The following HECW2 variants were observed in gnomAD, a reference collection of about 807,000 sequenced individuals.
HECW2 encodes the protein E3 ubiquitin-protein ligase HECW2.
A neutral mutation model predicts 175.2 loss-of-function variants in HECW2; 61 were observed. The ratio of observed to expected loss-of-function variants is 0.35; its 90% CI spans 0.28 to 0.43. The LOEUF (loss-of-function observed/expected upper bound fraction) is 0.43, where lower values mean the gene tolerates loss of function less well. HECW2 is among the 20% of genes least tolerant of loss of function. HECW2 has a pLI of 1.00. For synonymous variants in HECW2, 671 were observed against 731.0 expected (o/e 0.92, Z 1.32); for missense variants, 1,524 against 2,000.5 (o/e 0.76, Z 4.54).
chr2:196,479,834 T>C (rs1575593612), intron 1 of HECW2, among the ~76,000 whole-genome samples: 1 of 152,298 alleles, frequency 6.6e-6, no homozygotes, highest in Non-Finnish European at 1.5e-5. Flanking sequence ...ACCATCCTCT[T>C]GCCTGAAGAA....
chr2:196,426,499 G>A (rs1435921429), intron 2 of HECW2, among the ~76,000 whole-genome samples: 2 of 151,852 alleles, frequency 1.3e-5, no homozygotes, highest in Non-Finnish European at 2.9e-5. Flanking sequence ...GATAATTAGT[G>A]ATGTTGATTT....
chr2:196,223,960 C>A (rs755585948), intron 23 of HECW2, among the ~76,000 whole-genome samples: 1 of 152,116 alleles, frequency 6.6e-6, no homozygotes, highest in African/African-American at 2.4e-5. Context: ...GGGTGACAAA[C>A]GAACTCATGT....
intron 19 of HECW2, among the ~76,000 whole-genome samples, chr2:196,252,027 A>G (rs1431709339): frequency 6.6e-6 from 1 of 151,718 alleles, no homozygotes; most frequent in Non-Finnish European, 1.5e-5. Flanking sequence ...GATGAAACCC[A>G]GTCTCTACTA....
intron 1 of HECW2, among the ~76,000 whole-genome samples, chr2:196,497,191 C>T (rs1687423063): frequency 6.6e-6 from 1 of 152,118 alleles, no homozygotes; most frequent in African/African-American, 2.4e-5. Context: ...ATGTTTAGAC[C>T]AAGTCATCCA....
At chr2:196,472,664 C>T (rs1202800978) in intron 1 of HECW2, among the ~76,000 whole-genome samples, 1 of 151,658 alleles carries the variant, frequency 6.6e-6, no homozygotes, top group Non-Finnish European at 1.5e-5. Context: ...TCTGGTTGCC[C>T]AGGCTGGAGT....
intron 16 of HECW2, among the ~76,000 whole-genome samples, chr2:196,272,471 G>A (rs751229933): frequency 4.3e-4 from 65 of 152,130 alleles, no homozygotes; most frequent in Non-Finnish European, 7.5e-4. Context: ...TAAATTCACA[G>A]AACTAGGACA....
chr2:196,420,580 A>C (rs1053586255), intron 2 of HECW2, among the ~76,000 whole-genome samples: 1 of 152,234 alleles, frequency 6.6e-6, no homozygotes, highest in Non-Finnish European at 1.5e-5. Flanking sequence ...CAAGAAAAAA[A>C]TATATTCTTT....
chr2:196,455,111 G>A (rs1696466219), intron 1 of HECW2, among the ~76,000 whole-genome samples: 1 of 150,562 alleles, frequency 6.6e-6, no homozygotes, highest in South Asian at 2.1e-4. Context: ...TCGGCTCACT[G>A]CGACCTCCAC....
chr2:196,281,755 A>T (rs1690198482), intron 14 of HECW2, among the ~76,000 whole-genome samples: 1 of 151,676 alleles, frequency 6.6e-6, no homozygotes, highest in Admixed American at 6.6e-5. Context: ...AGAAGATTTT[A>T]AAAATCCCAT....
chr2:196,308,857 G>A (rs1181341889), intron 10 of HECW2, among the ~76,000 whole-genome samples: 1 of 152,198 alleles, frequency 6.6e-6, no homozygotes, highest in Non-Finnish European at 1.5e-5. Context: ...CAGAGCATGA[G>A]CTGATCTTTT....
At chr2:196,299,313 C>T (rs144546805) in intron 13 of HECW2, among the ~76,000 whole-genome samples, 212 of 124,680 alleles carry the variant, frequency 1.7e-3, no homozygotes, top group African/African-American at 5.2e-3. Context: ...GATAAAAACA[C>T]GAAAACAAAA....
In HECW2 at chr2:196,491,365, T is replaced by C. The variant is rs1219188265; in HGVS notation, c.-35-57907A>G. Among the ~76,000 whole-genome samples the C allele has an allele frequency of 7.7e-3, 775 of 100,720 alleles. 9 individuals are homozygous for C. The highest frequency in any genetic ancestry group is 0.024 in the African/African-American group (679 of 28,336). The allele number at this position is 100,720 out of a possible 152,430, so 66.1% of individuals were successfully genotyped here. ...TCTAAAACAAATACAAAATCATATA[T>C]ATATACACACACACACACACACACA... On this transcript the variant is annotated intron_variant, in intron 1 of 28. Coordinates refer to ENST00000644978, the MANE Select transcript of HECW2 (RefSeq NM_001348768.2).
chr2:196,582,200 T>G (rs73988043), intron 1 of HECW2, among the ~76,000 whole-genome samples: 8,079 of 152,232 alleles, frequency 0.053, 702 homozygotes, highest in African/African-American at 0.18. Flanking sequence ...TCAAAATATG[T>G]AATTTTACCA....
rs1686821380 is a variant in HECW2 at position 196,200,495 on chromosome 2, G to T, written c.*782C>A. The T allele has an allele frequency of 6.6e-6, 1 of 152,496 alleles. No individual in the cohort carries two copies. Among genetic ancestry groups the T allele is most frequent in the Non-Finnish European group, 1.5e-5 (1 of 68,006 alleles). The allele number at this position is 152,496 out of a possible 1,614,324, so 9.4% of individuals were successfully genotyped here. A position where few individuals can be genotyped will look rare whatever the true frequency, so the allele number is the denominator to read the frequency against. ...ACATCTTAAAGAACATAAACATAAT[G>T]AACCTACAAAAAATAAACAGAACTC... On this transcript the variant is annotated 3_prime_UTR_variant, in exon 29 of 29. Transcript: ENST00000644978.
At chr2:196,266,732 A>G (rs1234589935) in intron 17 of HECW2, among the ~76,000 whole-genome samples, 1 of 152,238 alleles carries the variant, frequency 6.6e-6, no homozygotes, top group Non-Finnish European at 1.5e-5. Flanking sequence ...CTTAAGAAAG[A>G]TAGCTTTTGA....
intron 1 of HECW2, among the ~76,000 whole-genome samples, chr2:196,468,229 A>G (rs1485261240): frequency 6.6e-6 from 1 of 152,168 alleles, no homozygotes; most frequent in East Asian, 1.9e-4. Flanking sequence ...TCCTGACCTC[A>G]AGTGATCCGC....
At chr2:196,343,070 T>G (rs1249172640) in intron 3 of HECW2, among the ~76,000 whole-genome samples, 1 of 148,680 alleles carries the variant, frequency 6.7e-6, no homozygotes, top group Admixed American at 6.7e-5. Context: ...ATGTGTATGT[T>G]TGTGTGTGTG....
intron 2 of HECW2, among the ~76,000 whole-genome samples, chr2:196,415,964 A>G (rs1695244954): frequency 6.6e-6 from 1 of 152,210 alleles, no homozygotes; most frequent in African/African-American, 2.4e-5. Flanking sequence ...TTTACTACAT[A>G]GTAGGGATAG....
chr2:196,370,101 T>C (rs925001000), intron 2 of HECW2, among the ~76,000 whole-genome samples: 1 of 151,892 alleles, frequency 6.6e-6, no homozygotes, highest in Admixed American at 6.6e-5. Context: ...TCCCTCCCCT[T>C]AGCTGCCACA....
Sources: allele counts gnomAD v4.1 joint callset (sites outside exome capture counted in the v4.1 genomes callset), GRCh38; gene constraint gnomAD v4.1.1; transcripts MANE v1.5; gene names NCBI Gene and HGNC (gene_info 2026-07-23, HGNC 2026-07-21).